Variants in LARP1B observed in about 807,000 individuals in gnomAD.
The protein encoded by LARP1B is La ribonucleoprotein 1B, also known as la-related protein 1B.
Under a neutral mutation model 114.2 loss-of-function variants are expected in LARP1B, and 76 were observed. That is an observed-to-expected ratio of 0.67 (90% CI 0.55 to 0.81). LARP1B has a LOEUF of 0.81. Among genes scored for constraint, LARP1B ranks in the 30% least tolerant of loss-of-function variants. The pLI is 0.00. For missense variants in LARP1B, 1,014 were observed against 1,075.8 expected (o/e 0.94, Z 0.80); for synonymous variants, 345 against 348.0 (o/e 0.99, Z 0.10).
chr4:128,094,563 C>T (rs569850718), intron 7 of LARP1B, among the ~76,000 whole-genome samples: 7 of 151,262 alleles, frequency 4.6e-5, no homozygotes, highest in Non-Finnish European at 7.4e-5. Context: ...CGTGACACTG[C>T]GCCCAGCTAA....
At chr4:128,075,181 A>G (rs1344158742) in intron 3 of LARP1B, among the ~76,000 whole-genome samples, 188 bp downstream of exon 3, 2 of 151,956 alleles carry the variant, frequency 1.3e-5, no homozygotes, top group African/African-American at 4.8e-5. Context: ...AGCTCATTGT[A>G]GCCTCAAACT....
intron 1 of LARP1B, among the ~76,000 whole-genome samples, chr4:128,074,232 G>A (rs1297770609): frequency 1.3e-5 from 2 of 152,140 alleles, no homozygotes; most frequent in Non-Finnish European, 2.9e-5. Flanking sequence ...GAGCCACCCC[G>A]CCCGGCAACA....
At chr4:128,143,512 A>C (rs1347027406) in intron 11 of LARP1B, among the ~76,000 whole-genome samples, 1 of 79,352 alleles carries the variant, frequency 1.3e-5, no homozygotes, top group Non-Finnish European at 3.0e-5. Context: ...AAATAATTCA[A>C]AATGGTGGGG....
At chr4:128,082,050 C>G in intron 4 of LARP1B, 115 bp from the exon 5 acceptor site, 2 of 1,012,402 alleles carry the variant, frequency 2.0e-6, no homozygotes, top group Non-Finnish European at 2.9e-6. Flanking sequence ...TACAAATAAT[C>G]TTAAAATACA....
chr4:128,130,072 G>A (rs1187209916), intron 11 of LARP1B, among the ~76,000 whole-genome samples: 1 of 152,190 alleles, frequency 6.6e-6, no homozygotes, highest in Non-Finnish European at 1.5e-5. Flanking sequence ...AGGAAGGCCA[G>A]GTGCAGTGAG....
chr4:128,127,466 A>T (rs1790010574), intron 11 of LARP1B, among the ~76,000 whole-genome samples: 1 of 152,202 alleles, frequency 6.6e-6, no homozygotes, highest in African/African-American at 2.4e-5. Context: ...AAGGATACAC[A>T]TTTAATTGAC....
At chr4:128,178,195 C>G (rs1451239153) in intron 13 of LARP1B, among the ~76,000 whole-genome samples, 1 of 151,282 alleles carries the variant, frequency 6.6e-6, no homozygotes, top group Non-Finnish European at 1.5e-5. Flanking sequence ...GGAGGTTACA[C>G]AGGAAGCTTC....
chr4:128,083,679 C>CT, intron 5 of LARP1B, among the ~76,000 whole-genome samples: 1 of 142,840 alleles, frequency 7.0e-6, no homozygotes, highest in Non-Finnish European at 1.5e-5. Flanking sequence ...GGGCTGAGCC[C>CT]CCCCACCTCC....
intron 9 of LARP1B, among the ~76,000 whole-genome samples, chr4:128,111,700 T>G (rs1478760317): frequency 6.6e-6 from 1 of 151,870 alleles, no homozygotes; most frequent in African/African-American, 2.4e-5. Context: ...CTTTTTTTTG[T>G]TTTGTTTTTG....
intron 10 of LARP1B, among the ~76,000 whole-genome samples, chr4:128,120,803 ATTTTTTTTTT>A (rs56253884): frequency 7.8e-6 from 1 of 128,962 alleles, no homozygotes; most frequent in South Asian, 2.4e-4. Flanking sequence ...GGGGTAGACA[ATTTTTTTTTT>A]TTTTTTTTTT....
intron 11 of LARP1B, among the ~76,000 whole-genome samples, chr4:128,128,791 G>T (rs1194746038): frequency 2.6e-5 from 4 of 152,026 alleles, no homozygotes; most frequent in Non-Finnish European, 5.9e-5. Context: ...ATTTACATTG[G>T]CACCCAAATA....
intron 11 of LARP1B, chr4:128,123,536 T>C (rs1024793961): frequency 1.1e-5 from 5 of 450,210 alleles, no homozygotes; most frequent in African/African-American, 1.1e-4. Context: ...TATATTTTAC[T>C]TACTTTTATT....
At chr4:128,206,988 G>GTAACA in intron 18 of LARP1B, 2 of 302,934 alleles carry the variant, frequency 6.6e-6, no homozygotes, top group Non-Finnish European at 9.7e-6. Flanking sequence ...TTTCTCATCT[G>GTAACA]TAACATATAT....
At chr4:128,081,445 T>C (rs1307864395) in intron 4 of LARP1B, among the ~76,000 whole-genome samples, 1 of 149,500 alleles carries the variant, frequency 6.7e-6, no homozygotes, top group Admixed American at 6.8e-5. Flanking sequence ...TATTTTGGTC[T>C]GAGGTAGGCT....
At chr4:128,206,637 A>C in intron 18 of LARP1B, 100 bp downstream of exon 18, 1 of 1,469,236 alleles carries the variant, frequency 6.8e-7, no homozygotes, top group East Asian at 2.4e-5. Context: ...CTTCAGGGCA[A>C]ACCATTTAAG....
At chr4:128,178,710 T>C (rs1747275624) in intron 14 of LARP1B, 68 bp downstream of exon 14, 2 of 1,112,286 alleles carry the variant, frequency 1.8e-6, no homozygotes, top group Admixed American at 2.0e-5. Context: ...ATGAAACGTT[T>C]TAGTTTCTAT....
intron 11 of LARP1B, among the ~76,000 whole-genome samples, chr4:128,133,999 A>ATT (rs71587365): frequency 0.54 from 74,570 of 138,900 alleles, 20,886 homozygotes; most frequent in South Asian, 0.7. Flanking sequence ...GCCCAGCCCA[A>ATT]TTTTTTTTTT....
intron 3 of LARP1B, among the ~76,000 whole-genome samples, chr4:128,076,000 A>G (rs1241332350): frequency 1.3e-5 from 2 of 152,052 alleles, no homozygotes; most frequent in Non-Finnish European, 2.9e-5. Flanking sequence ...TTAATTCATC[A>G]CATTTCCCTC....
chr4:128,107,445 C>T, intron 9 of LARP1B, 132 bp downstream of exon 9: 1 of 1,493,288 alleles, frequency 6.7e-7, no homozygotes, highest in East Asian at 2.5e-5. Context: ...CTTTTGAGTC[C>T]CATTTTGTAT....
Sources: allele counts gnomAD v4.1 joint callset (sites outside exome capture counted in the v4.1 genomes callset), GRCh38; gene constraint gnomAD v4.1.1; transcripts MANE v1.5; gene names NCBI Gene and HGNC (gene_info 2026-07-23, HGNC 2026-07-21).